The following ARHGAP24 variants were observed in gnomAD, a reference collection of about 807,000 sequenced individuals.
ARHGAP24 encodes rho GTPase-activating protein 24.
Under a neutral mutation model 76.4 loss-of-function variants are expected in ARHGAP24, and 50 were observed. The observed-to-expected ratio is 0.65, with a 90% CI of 0.52 to 0.83. The LOEUF is 0.83. Among genes scored for constraint, ARHGAP24 ranks in the 40% least tolerant of loss-of-function variants. The pLI is 0.00. For missense variants in ARHGAP24, 930 were observed against 914.2 expected, an observed-to-expected ratio of 1.02 and a Z score of -0.22; for synonymous variants, 345 against 323.3, an observed-to-expected ratio of 1.07 and a Z score of -0.72.
intron 2 of ARHGAP24, among the ~76,000 whole-genome samples, chr4:85,692,742 GT>G (rs1401712115): frequency 6.6e-6 from 1 of 152,164 alleles, no homozygotes; most frequent in African/African-American, 2.4e-5. Context: ...TGTTGGATTG[GT>G]TTTCAACTTT....
At chr4:85,781,317 T>G (rs145877762) in intron 3 of ARHGAP24, among the ~76,000 whole-genome samples, 277 of 152,362 alleles carry the variant, frequency 1.8e-3, no homozygotes, top group African/African-American at 6.3e-3. Flanking sequence ...TATTTTTATA[T>G]TGTGCATTTT....
chr4:85,942,421 A>C, intron 5 of ARHGAP24, 148 bp downstream of exon 5: 1 of 972,248 alleles, frequency 1.0e-6, no homozygotes, highest in Non-Finnish European at 1.5e-6. Context: ...CATTGTTTCT[A>C]TTAAGTTACA....
chr4:85,774,218 G>C (rs1484858193), intron 3 of ARHGAP24, among the ~76,000 whole-genome samples: 1 of 152,142 alleles, frequency 6.6e-6, no homozygotes, highest in Non-Finnish European at 1.5e-5. Flanking sequence ...ACCCAGAGAG[G>C]CTGACTCACT....
chr4:85,627,269 T>G (rs1720992074), intron 2 of ARHGAP24, among the ~76,000 whole-genome samples: 2 of 152,072 alleles, frequency 1.3e-5, no homozygotes, highest in East Asian at 1.9e-4. Context: ...TGTCCTTTCT[T>G]TTTGTTAGTT....
chr4:85,813,036 C>T (rs1048528777), intron 3 of ARHGAP24, among the ~76,000 whole-genome samples: 16 of 152,132 alleles, frequency 1.1e-4, no homozygotes, highest in African/African-American at 3.6e-4. Flanking sequence ...TTTTTCACCC[C>T]TTGAGAGCCT....
rs909698839 is a variant in ARHGAP24, at chr4:85,903,814, A to G, written c.269-19834A>G. On this transcript the variant is annotated intron_variant, in intron 3 of 9. Coordinates refer to ENST00000395184, the MANE Select transcript of ARHGAP24 (RefSeq NM_001025616.3). Reference sequence around the variant, plus strand: ...AATATAGTGACTGGCATGAAAATCAATATTTCCCAAAATATATTCCATAAA... The same window carrying G: ...AATATAGTGACTGGCATGAAAATCAGTATTTCCCAAAATATATTCCATAAA... Among the ~76,000 whole-genome samples the G allele has an allele frequency of 3.3e-5, 5 of 152,304 alleles. No homozygotes were observed. The East Asian group carries it at 5.8e-4, about 18-fold the overall frequency.
chr4:85,889,002 C>T (rs1038265205), intron 3 of ARHGAP24, among the ~76,000 whole-genome samples: 1 of 152,106 alleles, frequency 6.6e-6, no homozygotes, highest in Non-Finnish European at 1.5e-5. Flanking sequence ...ATATGTATCA[C>T]ATTTTCTTTA....
chr4:85,543,938 C>A (rs1725807015), intron 1 of ARHGAP24, among the ~76,000 whole-genome samples: 1 of 152,174 alleles, frequency 6.6e-6, no homozygotes, highest in African/African-American at 2.4e-5. Flanking sequence ...CAGATTAAAT[C>A]ATCATCCTCC....
At chr4:85,708,172 T>A (rs1233448420) in intron 2 of ARHGAP24, among the ~76,000 whole-genome samples, 1 of 152,176 alleles carries the variant, frequency 6.6e-6, no homozygotes. Context: ...GTAATATATG[T>A]ATATTTGTGA....
chr4:85,585,074 T>C (rs1262351190), intron 2 of ARHGAP24, among the ~76,000 whole-genome samples: 2 of 152,188 alleles, frequency 1.3e-5, no homozygotes, highest in Non-Finnish European at 2.9e-5. Context: ...ATTCATGAAA[T>C]AGCCTCTTTT....
chr4:85,862,900 T>C (rs564137352), intron 3 of ARHGAP24, among the ~76,000 whole-genome samples: 1 of 152,300 alleles, frequency 6.6e-6, no homozygotes, highest in Admixed American at 6.6e-5. Flanking sequence ...GCACAAGCCA[T>C]CAGCACTTGG....
chr4:85,758,967 G>A (rs190816269), intron 3 of ARHGAP24, among the ~76,000 whole-genome samples: 6 of 152,102 alleles, frequency 3.9e-5, no homozygotes, highest in Admixed American at 6.6e-5. Context: ...TTATCGTTAC[G>A]CTACTTCTTT....
intron 3 of ARHGAP24, among the ~76,000 whole-genome samples, chr4:85,902,895 C>T (rs1042711280): frequency 7.9e-5 from 12 of 152,204 alleles, no homozygotes; most frequent in Admixed American, 7.2e-4. Flanking sequence ...TGAGCCACTG[C>T]GCCCGGCCAC....
intron 3 of ARHGAP24, among the ~76,000 whole-genome samples, chr4:85,743,947 T>C (rs1375789023): frequency 6.6e-6 from 1 of 152,236 alleles, no homozygotes; most frequent in Non-Finnish European, 1.5e-5. Context: ...ATTCCTAGCA[T>C]CTTTTCAAGT....
At chr4:85,499,946 A>G (rs1723737273) in intron 1 of ARHGAP24, among the ~76,000 whole-genome samples, 1 of 152,182 alleles carries the variant, frequency 6.6e-6, no homozygotes, top group Non-Finnish European at 1.5e-5. Context: ...TCACCTCTGG[A>G]GATCTACTTT....
intron 2 of ARHGAP24, among the ~76,000 whole-genome samples, chr4:85,612,278 G>A (rs539661457): frequency 2.7e-5 from 4 of 146,266 alleles, no homozygotes; most frequent in East Asian, 2.3e-4. Context: ...TTAGCTGGGC[G>A]TGGTGGTGGG....
chr4:85,683,894 T>A (rs1031466931), intron 2 of ARHGAP24, among the ~76,000 whole-genome samples: 8 of 152,184 alleles, frequency 5.3e-5, no homozygotes, highest in African/African-American at 1.9e-4. Context: ...TAGCATAATG[T>A]CCTCCAGGTT....
At chr4:85,958,175 A>C (rs1159777156) in intron 5 of ARHGAP24, among the ~76,000 whole-genome samples, 3 of 152,164 alleles carry the variant, frequency 2.0e-5, no homozygotes, top group African/African-American at 7.2e-5. Flanking sequence ...AATGAACCGA[A>C]ACTCGTTACC....
In ARHGAP24 at chr4:85,523,405, G is replaced by T. The variant is rs113661071; in HGVS notation, c.-20-47117G>T. On this transcript the variant is annotated intron_variant, in intron 1 of 9. Coordinates refer to ENST00000395184, the MANE Select transcript of ARHGAP24 (RefSeq NM_001025616.3). ...AGCACCTCCTCATTGCCGTCTATTGGTAAGTCTCAAAGAAGGTAGATCAAT... is the reference window on the plus strand; with the variant it reads ...AGCACCTCCTCATTGCCGTCTATTGTTAAGTCTCAAAGAAGGTAGATCAAT... Among the ~76,000 whole-genome samples, 1,480 of 152,150 alleles carry T rather than the reference G, an allele frequency of 9.7e-3. 14 individuals carry two copies. Among genetic ancestry groups the T allele is most frequent in the East Asian group, 0.019 (96 of 5,168 alleles).
Sources: allele counts gnomAD v4.1 joint callset (sites outside exome capture counted in the v4.1 genomes callset), GRCh38; gene constraint gnomAD v4.1.1; transcripts MANE v1.5; gene names NCBI Gene and HGNC (gene_info 2026-07-23, HGNC 2026-07-21).